SNRPA: variants seen among roughly 807,000 people sequenced by gnomAD.
SNRPA encodes the protein U1 small nuclear ribonucleoprotein A.
In SNRPA, 10 loss-of-function variants were observed where a neutral mutation model predicts 24.5. The observed-to-expected ratio is 0.41, with a 90% CI of 0.25 to 0.69. The LOEUF is 0.69. Ranked by LOEUF, SNRPA falls within the 30% of genes least tolerant of loss-of-function variation. The pLI, the probability that SNRPA is intolerant of heterozygous loss-of-function variation, is 0.33. For synonymous variants in SNRPA, 165 were observed against 148.4 expected (o/e 1.11, Z -0.81); for missense variants, 283 against 394.7 (o/e 0.72, Z 2.40).
chr19:40,752,483 C>T (rs934986064), intron 1 of SNRPA, among the ~76,000 whole-genome samples: 1 of 149,290 alleles, frequency 6.7e-6, no homozygotes, highest in Non-Finnish European at 1.5e-5. Context: ...TGGTTCAGGC[C>T]TGTAAGCCCA....
At position 40,763,654 on chromosome 19, in the gene SNRPA, T is replaced by C; in HGVS notation, c.668T>C (p.Met223Thr). ...TNLPEETNEL[M>T]LSMLFNQFPG... ...CTGCCAGAGGAGACCAACGAGCTCA[T>C]GCTGTCCATGCTTTTCAATCAGTAA... is the stretch of plus-strand genomic sequence containing the variant. The change falls in exon 5 of 6, where the codon ATG becomes ACG. Residue 223 changes from methionine (M) to threonine (T), a missense_variant. By Grantham distance (81) the Met-to-Thr change is moderately conservative. Transcript: ENST00000243563. 2 of 1,614,082 alleles carry C rather than the reference T, an allele frequency of 1.2e-6. No individual in the cohort carries two copies. The highest frequency in any genetic ancestry group is 8.5e-7 in the Non-Finnish European group (1 of 1,179,954).
rs753022671 is a variant in SNRPA at position 40,763,039 on chromosome 19, C to A, written c.565C>A (p.Gln189Lys). Residue 189 changes from glutamine (Q) to lysine (K), a missense_variant, in exon 4 of 6, where the codon CAG (glutamine) becomes AAG (lysine). Physicochemically the swap from Gln to Lys is moderately conservative, Grantham distance 53. Transcript: ENST00000243563. ...CCCACCAGGGGCCATGCCCCCGCAG[C>A]AGCTTATGCCAGGACAGATGCCCCC... ...QIPPGAMPPQ[Q>K]LMPGQMPPAQ... 1.2e-6 allele frequency: 2 copies of A among 1,600,252 alleles called. No homozygotes were observed. Among genetic ancestry groups the A allele is most frequent in the Non-Finnish European group, 1.7e-6 (2 of 1,173,026 alleles).
chr19:40,761,853 C>G (rs866309148), intron 3 of SNRPA, among the ~76,000 whole-genome samples: 6 of 151,972 alleles, frequency 3.9e-5, no homozygotes, highest in Non-Finnish European at 8.8e-5. Context: ...TCCTGTTTTC[C>G]AAACAGGATA....
Position 40,765,206 on chromosome 19 carries a change from G to A in SNRPA, c.*39G>A, listed in dbSNP as rs1280196578. ...CATGCCTGCCCCTTCCCCTGTTCTG[G>A]GGCCACCCCTTTCCCCCTTGGCTCA... On this transcript the variant is annotated 3_prime_UTR_variant, in exon 6 of 6. Transcript: ENST00000243563. 2 of 1,420,380 alleles carry A rather than the reference G, an allele frequency of 1.4e-6. No homozygotes were observed. The highest frequency in any genetic ancestry group is 2.7e-5 in the East Asian group (1 of 36,736). 88.0% of individuals were successfully genotyped at this position (1,420,380 alleles called of 1,614,324 possible). A position where few individuals can be genotyped will look rare whatever the true frequency, so the allele number is the denominator to read the frequency against.
intron 2 of SNRPA, 149 bp downstream of exon 2, chr19:40,757,653 T>A (rs780284661): frequency 8.2e-5 from 63 of 765,008 alleles, no homozygotes; most frequent in Non-Finnish European, 1.2e-4. Context: ...TTTAAAAATC[T>A]TTTCTTTGGC....
intron 1 of SNRPA, among the ~76,000 whole-genome samples, chr19:40,753,053 T>A (rs1225241178): frequency 6.6e-6 from 1 of 152,158 alleles, no homozygotes; most frequent in Non-Finnish European, 1.5e-5. Context: ...GTGAAGTTGC[T>A]GTTGAAGAAA....
intron 3 of SNRPA, 142 bp from the exon 4 acceptor site, chr19:40,762,759 T>G (rs535234369): frequency 4.1e-5 from 30 of 730,914 alleles, no homozygotes; most frequent in Non-Finnish European, 6.5e-5. Flanking sequence ...TGTTTTGCTC[T>G]GTCGGGCCCT....
chr19:40,764,927 A>C, intron 5 of SNRPA, 81 bp from the exon 6 acceptor site: 1 of 1,371,814 alleles, frequency 7.3e-7, no homozygotes, highest in Non-Finnish European at 9.7e-7. Context: ...GCTATTTGGC[A>C]TCATTTCTGG....
chr19:40,754,102 T>C (rs1432230677), intron 1 of SNRPA, among the ~76,000 whole-genome samples: 3 of 141,582 alleles, frequency 2.1e-5, no homozygotes, highest in African/African-American at 5.2e-5. Flanking sequence ...CGCCCGGCGT[T>C]TTTTTTTTTT....
chr19:40,765,253 C>G lies in SNRPA; in HGVS notation c.*86C>G, dbSNP rs964876465. 1.0e-5 allele frequency: 9 copies of G among 888,898 alleles called. No individual in the cohort carries two copies. The highest frequency in any genetic ancestry group is 1.3e-5 in the Non-Finnish European group (8 of 627,328). 55.1% of individuals were successfully genotyped at this position (888,898 alleles called of 1,614,324 possible). ...CTCAGCCCCCTGAAGGTAAGTCCCC[C>G]CTTGGGGGCCTTCTTGGAGCCGTGT... On this transcript the variant is annotated 3_prime_UTR_variant, in exon 6 of 6. Coordinates refer to ENST00000243563, the MANE Select transcript of SNRPA (RefSeq NM_004596.5).
chr19:40,760,648 C>T (rs1227621933), intron 3 of SNRPA, among the ~76,000 whole-genome samples: 1 of 152,148 alleles, frequency 6.6e-6, no homozygotes, highest in Non-Finnish European at 1.5e-5. Context: ...GGGGAAGCTC[C>T]AGCAACCAGG....
At position 40,765,210 on chromosome 19, in the gene SNRPA, C is replaced by T. The variant is rs376380531; in HGVS notation, c.*43C>T. 1.7e-5 allele frequency: 24 copies of T among 1,377,984 alleles called. No homozygotes were observed. The highest frequency in any genetic ancestry group is 2.2e-5 in the Non-Finnish European group (23 of 1,040,178). The allele number at this position is 1,377,984 out of a possible 1,614,324, so 85.4% of individuals were successfully genotyped here. ...CCTGCCCCTTCCCCTGTTCTGGGGC[C>T]ACCCCTTTCCCCCTTGGCTCAGCCC... On this transcript the variant is annotated 3_prime_UTR_variant, in exon 6 of 6. Transcript: ENST00000243563.
rs1457141 is a variant in SNRPA at position 40,751,271 on chromosome 19, G to C, written c.-138G>C. On this transcript the variant is annotated 5_prime_UTR_variant, in exon 1 of 6. Coordinates refer to ENST00000243563, the MANE Select transcript of SNRPA (RefSeq NM_004596.5). ...GTTGTCGCGCTTTGCCTCCGTCCTT[G>C]CCCCTACTCCCGCCTTACCTGACTT... The C allele has an allele frequency of 0.8, 574,448 of 714,504 alleles. 233,149 individuals are homozygous for C. Among genetic ancestry groups the C allele is most frequent in the East Asian group, 0.96 (38,633 of 40,252 alleles). 44.3% of individuals were successfully genotyped at this position (714,504 alleles called of 1,614,324 possible). A position where few individuals can be genotyped will look rare whatever the true frequency, so the allele number is the denominator to read the frequency against.
At chr19:40,753,384 G>GTTTTTTTTTTTTTTTTTTTTTTTTT (rs746525368) in intron 1 of SNRPA, among the ~76,000 whole-genome samples, 1 of 38,382 alleles carries the variant, frequency 2.6e-5, no homozygotes, top group Non-Finnish European at 4.3e-5. Flanking sequence ...TTTTGCATAT[G>GTTTTTTTTTTTTTTTTTTTTTTTTT]TTTTTTTTTT....
chr19:40,763,673 T>A lies in SNRPA; in HGVS notation c.687T>A (p.Asn229Lys). The stretch of plus-strand genomic sequence containing the variant: ...AGCTCATGCTGTCCATGCTTTTCAA[T>A]CAGTAAGTGGGGCCTGTGGCTGGGT... ...TNELMLSMLF[N>K]QFPGFKEVRL... The change falls in exon 5 of 6, where the codon AAT (asparagine) becomes AAA (lysine). Residue 229 changes from asparagine (N) to lysine (K), a missense_variant and splice_region_variant. Physicochemically the swap from Asn to Lys is moderately conservative, Grantham distance 94 (BLOSUM62 0). Coordinates refer to ENST00000243563, the MANE Select transcript of SNRPA (RefSeq NM_004596.5). 6.2e-7 allele frequency: 1 copy of A among 1,613,428 alleles called. No homozygotes were observed. The highest frequency in any genetic ancestry group is 8.5e-7 in the Non-Finnish European group (1 of 1,179,432).
Position 40,757,069 on chromosome 19 carries a change from G to C in SNRPA, c.74-263G>C, listed in dbSNP as rs909615696. 1.4e-5 allele frequency: 6 copies of C among 439,508 alleles called. No individual in the cohort carries two copies. In the Admixed American group the frequency reaches 2.3e-4, roughly 17 times the overall value. The allele number at this position is 439,508 out of a possible 1,614,324, so 27.2% of individuals were successfully genotyped here. ...CACTCATTTATCGAGTGTTTACTAC[G>C]TGCCGGATGCTGTCCTGAGCACTTT... On this transcript the variant is annotated intron_variant, in intron 1 of 5. Coordinates refer to ENST00000243563, the MANE Select transcript of SNRPA (RefSeq NM_004596.5).
intron 1 of SNRPA, 49 bp from the exon 2 acceptor site, chr19:40,757,283 G>A (rs1481577791): frequency 3.8e-6 from 6 of 1,588,744 alleles, no homozygotes; most frequent in East Asian, 4.5e-5. Flanking sequence ...TTTGGGCTGC[G>A]CTTCTTCTAA....
At chr19:40,753,734 G>A (rs1247120738) in intron 1 of SNRPA, among the ~76,000 whole-genome samples, 5 of 151,612 alleles carry the variant, frequency 3.3e-5, no homozygotes, top group Non-Finnish European at 5.9e-5. Context: ...AACCATTATC[G>A]GGCAGTGCTG....
chr19:40,757,012 C>T (rs975008654), intron 1 of SNRPA: 2 of 310,796 alleles, frequency 6.4e-6, no homozygotes, highest in Non-Finnish European at 1.2e-5. Context: ...CATGCAGGCC[C>T]ATGTCAGGGT....
Sources: gnomAD v4.1 joint callset for allele counts (sites outside exome capture counted in the v4.1 genomes callset) on GRCh38, gnomAD v4.1.1 for gene constraint, MANE v1.5 for transcripts, NCBI Gene and HGNC (gene_info 2026-07-23, HGNC 2026-07-21) for gene names.